Variants in RBFOX3 observed in about 807,000 individuals in gnomAD.
RBFOX3 encodes the protein RNA binding fox-1 homolog 3.
RBFOX3 carries 17 observed loss-of-function variants against 48.7 expected under a neutral mutation model. That is an observed-to-expected ratio of 0.35 (90% CI 0.24 to 0.52). RBFOX3 has a LOEUF of 0.52. RBFOX3 is among the 20% of genes least tolerant of loss of function. The pLI is 0.94. For synonymous variants in RBFOX3, 212 were observed against 209.5 expected (o/e 1.01, Z -0.10); for missense variants, 382 against 497.5 (o/e 0.77, Z 2.21).
intron 1 of RBFOX3, among the ~76,000 whole-genome samples, chr17:79,487,960 G>A (rs1308335011): frequency 2.0e-5 from 3 of 147,396 alleles, no homozygotes; most frequent in Non-Finnish European, 4.5e-5. Flanking sequence ...CCAACAAATG[G>A]GATCAAGAAG....
chr17:79,586,673 T>C (rs1372535087), intron 1 of RBFOX3, among the ~76,000 whole-genome samples: 5 of 152,212 alleles, frequency 3.3e-5, no homozygotes, highest in African/African-American at 1.2e-4. Flanking sequence ...TTTTCTCTTT[T>C]CATATGTTTT....
At chr17:79,529,176 T>G (rs1599051438) in intron 1 of RBFOX3, among the ~76,000 whole-genome samples, 1 of 152,198 alleles carries the variant, frequency 6.6e-6, no homozygotes, top group Non-Finnish European at 1.5e-5. Context: ...CACGCACTTT[T>G]GCAACTTTCT....
Position 79,453,698 on chromosome 17 carries a change from C to T in RBFOX3, c.-175+28756G>A, listed in dbSNP as rs1240823995. Among the ~76,000 whole-genome samples, 15 of 151,910 alleles carry T rather than the reference C, an allele frequency of 9.9e-5. No individual in the cohort carries two copies. The East Asian group carries it at 1.2e-3, about 12-fold the overall frequency. ...GTGTAGATGTGTGTGCAGTGTGTGC[C>T]GGTGTGTGCAGAGGCATCTCTGGGA... On this transcript the variant is annotated intron_variant, in intron 2 of 14. Coordinates refer to ENST00000693108, the MANE Select transcript of RBFOX3 (RefSeq NM_001350451.2).
the RBFOX3 span, among the ~76,000 whole-genome samples, chr17:79,625,870 G>T: frequency 6.6e-6 from 1 of 152,226 alleles, no homozygotes; most frequent in Non-Finnish European, 1.5e-5. Context: ...TGCGCAGACG[G>T]GGGTGGCTGC....
intron 1 of RBFOX3, among the ~76,000 whole-genome samples, chr17:79,547,500 AAG>A (rs1235368147): frequency 5.3e-5 from 8 of 152,170 alleles, no homozygotes; most frequent in African/African-American, 1.9e-4. Context: ...GGAAGGGACA[AAG>A]AGACCAAGAA....
chr17:79,462,416 C>A (rs2075491477), intron 2 of RBFOX3, among the ~76,000 whole-genome samples: 1 of 152,192 alleles, frequency 6.6e-6, no homozygotes, highest in Admixed American at 6.5e-5. Context: ...GGATTCAATG[C>A]TTAGGAAGGC....
chr17:79,378,554 C>T (rs2059504211), intron 2 of RBFOX3, among the ~76,000 whole-genome samples: 1 of 152,194 alleles, frequency 6.6e-6, no homozygotes. Flanking sequence ...CCCCAGGAAG[C>T]CAAGGACAGG....
chr17:79,174,375 A>G (rs2050061941), intron 4 of RBFOX3, among the ~76,000 whole-genome samples: 1 of 151,850 alleles, frequency 6.6e-6, no homozygotes, highest in South Asian at 2.1e-4. Flanking sequence ...ACATGCGCAC[A>G]CACACACATC....
At chr17:79,543,843 C>T (rs782259112) in intron 1 of RBFOX3, among the ~76,000 whole-genome samples, 2 of 140,572 alleles carry the variant, frequency 1.4e-5, no homozygotes, top group African/African-American at 2.7e-5. Context: ...CAGGGTGGGC[C>T]GAATGGGGCA....
chr17:79,472,700 C>T (rs1014281199), intron 2 of RBFOX3, among the ~76,000 whole-genome samples: 22 of 152,298 alleles, frequency 1.4e-4, no homozygotes, highest in Non-Finnish European at 2.1e-4. Flanking sequence ...CAGCCCAAGC[C>T]GACCACACAC....
At chr17:79,633,456 A>G in the RBFOX3 span, among the ~76,000 whole-genome samples, 1 of 152,216 alleles carries the variant, frequency 6.6e-6, no homozygotes, top group Non-Finnish European at 1.5e-5. Context: ...CTGGGTGGGC[A>G]GGCCCCAGTG....
chr17:79,363,551 T>C lies in RBFOX3; in HGVS notation c.-174-55727A>G, dbSNP rs2057298910. ...GAGGATGCCCAACACAAGGCTCAAT[T>C]CCCCTTCCTGTTCCTGCCCAGCTTC... On this transcript the variant is annotated intron_variant, in intron 2 of 14. Transcript: ENST00000693108. This position sits in a 1 kb window ranked among gnomAD's most constrained non-coding sequence, Gnocchi z 4.7. 6.6e-6 allele frequency among the ~76,000 whole-genome samples: 1 copy of C among 151,890 alleles called. No individual in the cohort carries two copies. The highest frequency in any genetic ancestry group is 2.4e-5 in the African/African-American group (1 of 41,294).
chr17:79,110,752 C>T (rs2030981990), intron 5 of RBFOX3, among the ~76,000 whole-genome samples: 1 of 152,214 alleles, frequency 6.6e-6, no homozygotes, highest in South Asian at 2.1e-4. Flanking sequence ...TCCCACGTGG[C>T]ATTTGAAGAA....
chr17:79,150,053 A>AGGGGGG (rs2044055061), intron 4 of RBFOX3, among the ~76,000 whole-genome samples: 1 of 1,020 alleles, frequency 9.8e-4, no homozygotes, highest in Non-Finnish European at 2.2e-3. Context: ...GGGGATGGGG[A>AGGGGGG]TGGGGGTTGA....
At chr17:79,431,871 T>A (rs985392742) in intron 2 of RBFOX3, among the ~76,000 whole-genome samples, 6 of 152,264 alleles carry the variant, frequency 3.9e-5, no homozygotes, top group African/African-American at 1.4e-4. Context: ...TTTGCTTTGC[T>A]GTCCAGCCAT....
intron 2 of RBFOX3, among the ~76,000 whole-genome samples, chr17:79,333,126 A>G (rs2080658643): frequency 6.6e-6 from 1 of 152,102 alleles, no homozygotes; most frequent in Non-Finnish European, 1.5e-5. Flanking sequence ...ACAGGCAGAG[A>G]CAGAGGAGGA....
At position 79,201,378 on chromosome 17, in the gene RBFOX3, A is replaced by G. The variant is rs970229879; in HGVS notation, c.-34+34388T>C. Among the ~76,000 whole-genome samples the G allele has an allele frequency of 8.5e-5, 13 of 152,294 alleles. No individual in the cohort carries two copies. In the East Asian group the frequency reaches 1.9e-3, roughly 23 times the overall value. On this transcript the variant is annotated intron_variant, in intron 4 of 14. Coordinates refer to ENST00000693108, the MANE Select transcript of RBFOX3 (RefSeq NM_001350451.2). ...GGAAACCAGAGGATGTTTTGCTCCC[A>G]GAACCCCGGCAGTGGCAGACTGTCT...
chr17:79,356,558 AG>A (rs1371387038), intron 2 of RBFOX3, among the ~76,000 whole-genome samples: 1 of 150,992 alleles, frequency 6.6e-6, no homozygotes, highest in East Asian at 2.0e-4. Flanking sequence ...TATTAGAGGC[AG>A]GGTTTCACCA....
Position 79,535,808 on chromosome 17 carries a change from G to T in RBFOX3, c.-319-53210C>A, listed in dbSNP as rs1445345851. 6.6e-6 allele frequency among the ~76,000 whole-genome samples: 1 copy of T among 152,138 alleles called. No individual in the cohort carries two copies. Among genetic ancestry groups the T allele is most frequent in the Non-Finnish European group, 1.5e-5 (1 of 68,014 alleles). On this transcript the variant is annotated intron_variant, in intron 1 of 14. Transcript: ENST00000693108. This position sits in a 1 kb window ranked among gnomAD's most constrained non-coding sequence, Gnocchi z 4.5. The stretch of plus-strand genomic sequence containing the variant: ...AGCTGCCACTTACTCCAAGGAACAG[G>T]GTGGGAAGAGTCCACACGGAGAGGG...
Sources: allele counts gnomAD v4.1 joint callset (sites outside exome capture counted in the v4.1 genomes callset), GRCh38; gene constraint gnomAD v4.1.1; non-coding constraint Gnocchi (gnomAD v3.1); transcripts MANE v1.5; gene names NCBI Gene and HGNC (gene_info 2026-07-23, HGNC 2026-07-21).